Variants in RGS7 observed in about 807,000 individuals in gnomAD.
RGS7 encodes the protein regulator of G protein signaling 7.
Under a neutral mutation model 81.1 loss-of-function variants are expected in RGS7, and 27 were observed. That is an observed-to-expected ratio of 0.33 (90% CI 0.25 to 0.46). The LOEUF is 0.46. RGS7 is among the 20% of genes least tolerant of loss of function. The pLI is 1.00. For synonymous variants in RGS7, 208 were observed against 207.7 expected, an observed-to-expected ratio of 1.00 and a Z score of -0.01; for missense variants, 396 against 607.4, an observed-to-expected ratio of 0.65 and a Z score of 3.66.
At chr1:241,050,532 T>C (rs368649394) in intron 3 of RGS7, among the ~76,000 whole-genome samples, 5 of 152,136 alleles carry the variant, frequency 3.3e-5, no homozygotes, top group African/African-American at 1.2e-4. Flanking sequence ...ATAGTACATA[T>C]ATTATTGAAC....
At chr1:240,793,530 T>A (rs1189986152) in intron 18 of RGS7, among the ~76,000 whole-genome samples, 1 of 149,792 alleles carries the variant, frequency 6.7e-6, no homozygotes, top group Non-Finnish European at 1.5e-5. Context: ...GTAATATCTA[T>A]GGTGGGGAAA....
intron 3 of RGS7, among the ~76,000 whole-genome samples, chr1:241,082,183 A>G (rs1010372825): frequency 6.6e-6 from 1 of 152,228 alleles, no homozygotes; most frequent in Non-Finnish European, 1.5e-5. Flanking sequence ...TTATGTAATT[A>G]TTGTAATTCC....
intron 2 of RGS7, among the ~76,000 whole-genome samples, chr1:241,311,529 G>T (rs894149469): frequency 6.6e-6 from 1 of 152,232 alleles, no homozygotes; most frequent in Non-Finnish European, 1.5e-5. Context: ...AAAGAGGATT[G>T]TCTGAAGCTG....
Position 240,931,349 on chromosome 1 carries a change from C to G in RGS7, c.334-581G>C, listed in dbSNP as rs527749827. Among the ~76,000 whole-genome samples the G allele has an allele frequency of 3.9e-5, 6 of 152,244 alleles. No individual in the cohort carries two copies. In the East Asian group the frequency reaches 1.2e-3, roughly 29 times the overall value. On this transcript the variant is annotated intron_variant, in intron 5 of 18. Coordinates refer to ENST00000440928, the MANE Select transcript of RGS7 (RefSeq NM_001364886.1). Reference sequence around the variant, plus strand: ...GACATTTCCTAAATTCCTCTTGTAACTAATTTCTACCATTTAGTCGTGCAA... The same window carrying G: ...GACATTTCCTAAATTCCTCTTGTAAGTAATTTCTACCATTTAGTCGTGCAA...
At chr1:241,048,693 G>A (rs1460084252) in intron 3 of RGS7, among the ~76,000 whole-genome samples, 1 of 152,214 alleles carries the variant, frequency 6.6e-6, no homozygotes, top group African/African-American at 2.4e-5. Flanking sequence ...TGCCTCCTGA[G>A]GATGGCATAT....
chr1:240,815,443 T>C (rs907684345), intron 11 of RGS7, among the ~76,000 whole-genome samples: 22 of 152,316 alleles, frequency 1.4e-4, no homozygotes, highest in African/African-American at 5.1e-4. Context: ...AATAAATGTA[T>C]TTATTACTAT....
rs1460626986 is a variant in RGS7, at chr1:241,164,152, A to C, written c.79-65390T>G. On this transcript the variant is annotated intron_variant, in intron 2 of 18. Transcript: ENST00000440928. The surrounding 1 kb of genome is among the most constrained non-coding windows in gnomAD (Gnocchi z 4.1). ...GATATTACAAAGGATACAGGTGAAG[A>C]GATGCATAGGGTGAGGTATGGAGGA... is the stretch of plus-strand genomic sequence containing the variant. 6.6e-6 allele frequency among the ~76,000 whole-genome samples: 1 copy of C among 152,152 alleles called. No homozygotes were observed. The highest frequency in any genetic ancestry group is 2.4e-5 in the African/African-American group (1 of 41,442).
At chr1:241,266,573 CT>C in intron 2 of RGS7, among the ~76,000 whole-genome samples, 1 of 152,330 alleles carries the variant, frequency 6.6e-6, no homozygotes, top group South Asian at 2.1e-4. Context: ...AACACATTCA[CT>C]GCTTGAGCTT....
chr1:240,816,398 T>C lies in RGS7; in HGVS notation c.702A>G (p.Gln234=), dbSNP rs1690801717. The C allele has an allele frequency of 6.2e-7, 1 of 1,601,050 alleles. No individual in the cohort carries two copies. The highest frequency in any genetic ancestry group is 8.6e-7 in the Non-Finnish European group (1 of 1,168,178). The change falls in exon 11 of 19, where the codon CAA becomes CAG. Residue 234 remains glutamine (Q), a synonymous_variant. Transcript: ENST00000440928. ...TAGGACTGTGACTTCTAATATCATT[T>C]TGTAAACCATAGACAGACTATATTA... is the stretch of plus-strand genomic sequence containing the variant. ...HKTRKSVYGL[Q]NDIRSHSPTH...
intron 2 of RGS7, among the ~76,000 whole-genome samples, chr1:241,147,416 T>A (rs530787295): frequency 1.1e-4 from 16 of 152,310 alleles, no homozygotes; most frequent in Admixed American, 7.8e-4. Context: ...CTTAACCTAG[T>A]GCCTTCATGT....
At position 240,823,260 on chromosome 1, in the gene RGS7, G is replaced by C. The variant is rs193137920; in HGVS notation, c.684+3838C>G. On this transcript the variant is annotated intron_variant, in intron 10 of 18. Transcript: ENST00000440928. ...ATCCTATGCTCACCACCACCTAAAG[G>C]CCATCTCCACTTCCGACACTGGCCC... The C allele has an allele frequency of 4.5e-5, 30 of 662,680 alleles. No individual in the cohort carries two copies. In the African/African-American group the frequency reaches 5.2e-4, roughly 11 times the overall value. 41.0% of individuals were successfully genotyped at this position (662,680 alleles called of 1,614,324 possible).
At chr1:240,949,839 C>A (rs1282967363) in intron 4 of RGS7, among the ~76,000 whole-genome samples, 2 of 119,970 alleles carry the variant, frequency 1.7e-5, no homozygotes, top group Non-Finnish European at 3.5e-5. Flanking sequence ...CAGAACAAGA[C>A]TCTGACTCAA....
intron 3 of RGS7, among the ~76,000 whole-genome samples, chr1:240,989,737 T>TAAC (rs532462628): frequency 8.5e-4 from 129 of 152,238 alleles, no homozygotes; most frequent in South Asian, 1.9e-3. Flanking sequence ...AAGATTAATA[T>TAAC]AACAACAACA....
chr1:241,314,208 T>G (rs992752571), intron 2 of RGS7, among the ~76,000 whole-genome samples: 7 of 152,196 alleles, frequency 4.6e-5, no homozygotes, highest in Non-Finnish European at 8.8e-5. Context: ...CAGCATAACA[T>G]GCAATGGAGA....
At chr1:240,789,389 CAGCAATGTT>C (rs1685590856) in intron 18 of RGS7, among the ~76,000 whole-genome samples, 3 of 152,186 alleles carry the variant, frequency 2.0e-5, no homozygotes, top group Admixed American at 2.0e-4. Context: ...AACAGGATAA[CAGCAATGTT>C]CAGGGAACAA....
intron 3 of RGS7, among the ~76,000 whole-genome samples, chr1:241,073,322 T>C (rs2062591513): frequency 6.6e-6 from 1 of 152,210 alleles, no homozygotes; most frequent in Non-Finnish European, 1.5e-5. Context: ...CAGTTTTCCA[T>C]CTGTAATGAT....
intron 3 of RGS7, among the ~76,000 whole-genome samples, chr1:241,068,480 T>G (rs2062230024): frequency 6.6e-6 from 1 of 151,654 alleles, no homozygotes; most frequent in African/African-American, 2.4e-5. Flanking sequence ...TATTCACTCA[T>G]TTAAGATTTA....
intron 2 of RGS7, among the ~76,000 whole-genome samples, chr1:241,333,661 A>G (rs1483792582): frequency 6.6e-6 from 1 of 152,192 alleles, no homozygotes; most frequent in East Asian, 1.9e-4. Context: ...CATAATGGTC[A>G]TGGTTTGACT....
chr1:241,221,039 A>AAG (rs1553289605), intron 2 of RGS7, among the ~76,000 whole-genome samples: 932 of 92,722 alleles, frequency 0.01, 17 homozygotes, highest in Non-Finnish European at 0.013. Flanking sequence ...GGAAGGAAGG[A>AAG]AAAGAAAGAA....
Sources: gnomAD v4.1 joint callset for allele counts (sites outside exome capture counted in the v4.1 genomes callset) on GRCh38, gnomAD v4.1.1 for gene constraint, Gnocchi (gnomAD v3.1) non-coding constraint, MANE v1.5 for transcripts, NCBI Gene and HGNC (gene_info 2026-07-23, HGNC 2026-07-21) for gene names.